The following FRAS1 variants were observed in gnomAD, a reference collection of about 807,000 sequenced individuals.
FRAS1 encodes the protein extracellular matrix organizing protein FRAS1.
FRAS1 carries 290 observed loss-of-function variants against 435.2 expected under a neutral mutation model. The observed-to-expected ratio is 0.67, with a 90% CI of 0.61 to 0.73. The LOEUF is 0.73. Among genes scored for constraint, FRAS1 ranks in the 30% least tolerant of loss-of-function variants. FRAS1 has a pLI of 0.00. For missense variants in FRAS1, 4,860 were observed against 5,001.5 expected, an observed-to-expected ratio of 0.97 and a Z score of 0.85; for synonymous variants, 1,800 against 1,851.0, an observed-to-expected ratio of 0.97 and a Z score of 0.71.
intron 18 of FRAS1, among the ~76,000 whole-genome samples, chr4:78,326,871 C>T (rs1729740281): frequency 1.3e-5 from 2 of 152,156 alleles, no homozygotes; most frequent in Admixed American, 1.3e-4. Flanking sequence ...CCCCCACACA[C>T]ACTACCTGGC....
In FRAS1 at chr4:78,284,441, C is replaced by T. The variant is rs917920184; in HGVS notation, c.1292C>T (p.Ser431Phe). ...CCAGATTGTTTGACATGCTCTCAGT[C>T]TCCAGACCACTGTGACCTCTGCCAA... ...CHPDCLTCSQ[S>F]PDHCDLCQDP... is the part of the protein sequence containing the mutation. The change falls in exon 13 of 74, where the codon TCT (serine) becomes TTT (phenylalanine). Residue 431 changes from serine to phenylalanine, a missense_variant. Coordinates refer to ENST00000512123, the MANE Select transcript of FRAS1 (RefSeq NM_025074.7). 4 of 1,613,728 alleles carry T rather than the reference C, an allele frequency of 2.5e-6. No individual in the cohort carries two copies. In the African/African-American group the frequency reaches 5.3e-5, roughly 22 times the overall value.
chr4:78,336,837 C>T (rs1730187493), intron 19 of FRAS1, among the ~76,000 whole-genome samples: 1 of 152,170 alleles, frequency 6.6e-6, no homozygotes, highest in African/African-American at 2.4e-5. Flanking sequence ...ACCTCCTTGT[C>T]CTTGGCAGAG....
intron 54 of FRAS1, among the ~76,000 whole-genome samples, chr4:78,476,772 A>G (rs1719863699): frequency 6.6e-6 from 1 of 152,142 alleles, no homozygotes. Flanking sequence ...AAGCTTAATA[A>G]AAGTGTTATT....
chr4:78,387,642 C>A lies in FRAS1; in HGVS notation c.3916C>A (p.Gln1306Lys), dbSNP rs777308687. 6.9e-6 allele frequency: 11 copies of A among 1,604,632 alleles called. No individual in the cohort carries two copies. The highest frequency in any genetic ancestry group is 9.4e-6 in the Non-Finnish European group (11 of 1,173,866). ...CAGCACATCCGATGTTGCAGTCTTG[C>A]AGGCCAATGATGGACACTCCTTCCA... Reference protein sequence around the residue: ...SDSTSDVAVLQANDGHSFHNI... With the variant: ...SDSTSDVAVLKANDGHSFHNI... Residue 1306 changes from glutamine to lysine, a missense_variant, in exon 29 of 74, where the codon CAG (glutamine) becomes AAG (lysine). Gln to Lys is a moderately conservative substitution (Grantham distance 53). Transcript: ENST00000512123.
At chr4:78,225,247 A>G (rs919460061) in intron 2 of FRAS1, among the ~76,000 whole-genome samples, 8 of 152,154 alleles carry the variant, frequency 5.3e-5, no homozygotes, top group African/African-American at 1.9e-4. Context: ...AGAAAAAGAA[A>G]ATGGAGGCTT....
At chr4:78,423,013 G>C (rs977572114) in intron 34 of FRAS1, among the ~76,000 whole-genome samples, 1 of 152,048 alleles carries the variant, frequency 6.6e-6, no homozygotes, top group Non-Finnish European at 1.5e-5. Context: ...CTTCCACAAA[G>C]CCCAGCATAC....
At chr4:78,403,127 T>C (rs1732962516) in intron 30 of FRAS1, among the ~76,000 whole-genome samples, 1 of 152,198 alleles carries the variant, frequency 6.6e-6, no homozygotes, top group Non-Finnish European at 1.5e-5. Context: ...TAAGGTCCTT[T>C]TCATCTCTAA....
chr4:78,270,448 A>C (rs1726605989), intron 9 of FRAS1, among the ~76,000 whole-genome samples: 1 of 152,178 alleles, frequency 6.6e-6, no homozygotes, highest in Non-Finnish European at 1.5e-5. Flanking sequence ...AAGGCAGCTC[A>C]CATTTATGGA....
intron 71 of FRAS1, among the ~76,000 whole-genome samples, 181 bp downstream of exon 71, chr4:78,534,796 C>T (rs527692014): frequency 7.2e-5 from 11 of 152,290 alleles, no homozygotes; most frequent in African/African-American, 1.9e-4. Flanking sequence ...CATGCTGTTT[C>T]GAAATCAAAT....
chr4:78,288,315 G>A (rs1398696060), intron 14 of FRAS1, among the ~76,000 whole-genome samples: 2 of 152,082 alleles, frequency 1.3e-5, no homozygotes, highest in Non-Finnish European at 2.9e-5. Flanking sequence ...GCTAGTGCTC[G>A]TGACAGATTT....
chr4:78,452,424 C>G, intron 47 of FRAS1, 70 bp downstream of exon 47: 1 of 1,120,182 alleles, frequency 8.9e-7, no homozygotes, highest in South Asian at 1.6e-5. Context: ...GCAGCCACAT[C>G]ATGTATCATG....
chr4:78,354,174 A>C (rs567345652), intron 20 of FRAS1, among the ~76,000 whole-genome samples: 1 of 152,104 alleles, frequency 6.6e-6, no homozygotes, highest in East Asian at 1.9e-4. Flanking sequence ...TCCCCACTTC[A>C]AGCTGTTTCC....
chr4:78,364,104 C>G, intron 22 of FRAS1, 50 bp downstream of exon 22: 1 of 1,532,980 alleles, frequency 6.5e-7, no homozygotes, highest in Non-Finnish European at 8.8e-7. Flanking sequence ...TCCTGCCTTT[C>G]TGGAGCCATT....
intron 2 of FRAS1, among the ~76,000 whole-genome samples, chr4:78,195,676 C>A (rs1486559316): frequency 6.6e-6 from 1 of 152,132 alleles, no homozygotes; most frequent in East Asian, 1.9e-4. Context: ...CTTGTCACCC[C>A]TTTCTTTGAC....
intron 31 of FRAS1, among the ~76,000 whole-genome samples, chr4:78,411,774 C>T (rs184107847): frequency 1.1e-3 from 160 of 152,094 alleles, no homozygotes; most frequent in African/African-American, 3.3e-3. Context: ...GAATATATTC[C>T]GCCACCGCAC....
chr4:78,498,243 C>T (rs1720565056), intron 60 of FRAS1, among the ~76,000 whole-genome samples: 1 of 152,218 alleles, frequency 6.6e-6, no homozygotes, highest in East Asian at 1.9e-4. Flanking sequence ...GGTGCAGTGG[C>T]TCATGCCTGT....
chr4:78,389,158 T>C (rs1233624357), intron 29 of FRAS1, among the ~76,000 whole-genome samples: 1 of 152,228 alleles, frequency 6.6e-6, no homozygotes, highest in Admixed American at 6.5e-5. Context: ...CGAAAAACAT[T>C]TTCAAAACTA....
intron 61 of FRAS1, among the ~76,000 whole-genome samples, chr4:78,501,160 C>T (rs999648506): frequency 1.3e-4 from 20 of 152,258 alleles, no homozygotes; most frequent in African/African-American, 4.6e-4. Context: ...TGTTCCCTGC[C>T]CTGTGTCCAA....
In FRAS1 at chr4:78,057,839, G is replaced by A. The variant is rs962222714; in HGVS notation, c.-171G>A. The A allele has an allele frequency of 3.3e-6, 2 of 612,670 alleles. No individual in the cohort carries two copies. The highest frequency in any genetic ancestry group is 2.9e-6 in the Non-Finnish European group (1 of 348,866). 38.0% of individuals were successfully genotyped at this position (612,670 alleles called of 1,614,324 possible). Reference sequence around the variant, plus strand: ...AACCCCAGCCCGCTCCGGCGCCTCCGGGCTGATGAGTGTCGCTCTCCGCCC... The same window carrying A: ...AACCCCAGCCCGCTCCGGCGCCTCCAGGCTGATGAGTGTCGCTCTCCGCCC... On this transcript the variant is annotated 5_prime_UTR_variant, in exon 1 of 74. Transcript: ENST00000512123. The surrounding 1 kb of genome is among the most constrained non-coding windows in gnomAD (Gnocchi z 4.2).
Sources: allele counts gnomAD v4.1 joint callset (sites outside exome capture counted in the v4.1 genomes callset), GRCh38; gene constraint gnomAD v4.1.1; non-coding constraint Gnocchi (gnomAD v3.1); transcripts MANE v1.5; gene names NCBI Gene and HGNC (gene_info 2026-07-23, HGNC 2026-07-21).